The following RAB37 variants were observed in gnomAD, a reference collection of about 807,000 sequenced individuals.
RAB37 encodes the protein ras-related protein Rab-37.
In RAB37, 29 loss-of-function variants were observed where a neutral mutation model predicts 33.1. That is an observed-to-expected ratio of 0.88 (90% CI 0.65 to 1.20). The LOEUF (loss-of-function observed/expected upper bound fraction) is 1.20. Ranked by LOEUF, RAB37 falls within the 50% of genes most tolerant of loss-of-function variation. RAB37 has a pLI of 0.00. For missense variants in RAB37, 299 were observed against 301.1 expected (o/e 0.99, Z 0.05); for synonymous variants, 128 against 119.5 (o/e 1.07, Z -0.47).
intron 1 of RAB37, among the ~76,000 whole-genome samples, chr17:74,700,168 T>TAAAC (rs1358953735): frequency 0.017 from 1,297 of 77,002 alleles, 23 homozygotes; most frequent in African/African-American, 0.037. Context: ...AATAAATAAA[T>TAAAC]AAACAAACAA....
rs1444227010 is a variant in RAB37, at chr17:74,737,587, C to T, written c.93+222C>T. Among the ~76,000 whole-genome samples, 4 of 152,132 alleles carry T rather than the reference C, an allele frequency of 2.6e-5. 1 individual carries two copies. The highest frequency in any genetic ancestry group is 5.9e-5 in the Non-Finnish European group (4 of 68,014). The stretch of plus-strand genomic sequence containing the variant: ...AGATCGCAAAAACTGAGTGATCCCC[C>T]CGCCGGCCCCAACTCAGTTCTCTTC... On this transcript the variant is annotated intron_variant, in intron 1 of 8. Transcript: ENST00000392613.
upstream of RAB37, chr17:74,736,904 C>T: frequency 6.7e-7 from 1 of 1,491,364 alleles, no homozygotes; most frequent in Non-Finnish European, 8.9e-7. Flanking sequence ...CGCCTGCTGT[C>T]GCGGTGCGCA....
At chr17:74,719,434 C>G (rs1392063975) in intron 1 of RAB37, among the ~76,000 whole-genome samples, 1 of 152,136 alleles carries the variant, frequency 6.6e-6, no homozygotes, top group East Asian at 1.9e-4. Flanking sequence ...GACTGGGCAA[C>G]ACAGCAAGAA....
chr17:74,723,813 A>T (rs57253206), intron 1 of RAB37, among the ~76,000 whole-genome samples: 215 of 152,150 alleles, frequency 1.4e-3, no homozygotes, highest in African/African-American at 4.7e-3. Context: ...TGACCTCGTG[A>T]TCCACTTGCC....
intron 1 of RAB37, chr17:74,712,987 C>T: frequency 9.7e-7 from 1 of 1,029,816 alleles, no homozygotes; most frequent in South Asian, 1.4e-5. Flanking sequence ...CAGTCACTTC[C>T]CATGGGTGAA....
chr17:74,737,516 C>T lies in RAB37; in HGVS notation c.93+151C>T, dbSNP rs1026439953. 6.3e-6 allele frequency: 6 copies of T among 953,088 alleles called. 1 individual carries two copies. Among genetic ancestry groups the T allele is most frequent in the African/African-American group, 1.7e-5 (1 of 59,236 alleles). 59.0% of individuals were successfully genotyped at this position (953,088 alleles called of 1,614,324 possible). A position where few individuals can be genotyped will look rare whatever the true frequency, so the allele number is the denominator to read the frequency against. ...TCAGGACACAGCCTCTGGGGCCGTC[C>T]CAAGCTCTAGGTGTCTCTGCTGGCT... On this transcript the variant is annotated intron_variant, in intron 1 of 8. Transcript: ENST00000392613.
At chr17:74,674,440 A>G (rs1197742234) in intron 1 of RAB37, among the ~76,000 whole-genome samples, 5 of 150,162 alleles carry the variant, frequency 3.3e-5, no homozygotes, top group Admixed American at 6.7e-5. Context: ...CACTTTGGGA[A>G]GCTGAGGCGG....
At chr17:74,739,560 C>T (rs528809754) in intron 1 of RAB37, among the ~76,000 whole-genome samples, 25 of 127,124 alleles carry the variant, frequency 2.0e-4, no homozygotes, top group East Asian at 7.1e-4. Flanking sequence ...GACAGAGTGT[C>T]GCTCTGTCAC....
intron 1 of RAB37, among the ~76,000 whole-genome samples, chr17:74,690,061 AC>A (rs1422311464): frequency 6.6e-6 from 1 of 151,792 alleles, no homozygotes; most frequent in African/African-American, 2.4e-5. Context: ...AAGCGATCCT[AC>A]CCCCTCAGCC....
intron 1 of RAB37, among the ~76,000 whole-genome samples, chr17:74,703,657 T>C (rs575109007): frequency 6.6e-6 from 1 of 152,142 alleles, no homozygotes; most frequent in African/African-American, 2.4e-5. Context: ...TGAGGACCCA[T>C]TGAGACAATG....
At chr17:74,699,428 G>A (rs1369414984) in intron 1 of RAB37, among the ~76,000 whole-genome samples, 1 of 152,130 alleles carries the variant, frequency 6.6e-6, no homozygotes, top group African/African-American at 2.4e-5. Context: ...ATGTAATCAA[G>A]TTAAGATGAG....
intron 1 of RAB37, chr17:74,695,608 C>T (rs899313760): frequency 1.0e-5 from 15 of 1,454,924 alleles, no homozygotes; most frequent in Middle Eastern, 2.3e-4. Context: ...GGCTTTGCCC[C>T]ACACCTGCCT....
At chr17:74,719,484 G>A (rs550910497) in intron 1 of RAB37, among the ~76,000 whole-genome samples, 1 of 152,206 alleles carries the variant, frequency 6.6e-6, no homozygotes, top group East Asian at 1.9e-4. Context: ...AAAATAATTT[G>A]CTCACAATTA....
intron 1 of RAB37, among the ~76,000 whole-genome samples, chr17:74,685,578 A>G (rs1290837860): frequency 6.6e-6 from 1 of 152,156 alleles, no homozygotes; most frequent in Non-Finnish European, 1.5e-5. Flanking sequence ...GATCTGAGAG[A>G]CATTCAGTGG....
In RAB37 at chr17:74,745,396, C is replaced by T. The variant is rs1182206383; in HGVS notation, c.657C>T (p.Cys219=). ...AGTCCCAGAAGAAGCGCTCCAGCTG[C>T]TGCTCCTTCATGTGAATCCCAGGGG... The part of the protein sequence containing the change: ...YVESQKKRSS[C]CSFM Residue 219 remains cysteine, a synonymous_variant, in exon 9 of 9, where the codon TGC becomes TGT. Transcript: ENST00000392613. This position sits in a 1 kb window ranked among gnomAD's most constrained non-coding sequence, Gnocchi z 4.5. The T allele has an allele frequency of 2.5e-6, 4 of 1,613,806 alleles. No homozygotes were observed. In the African/African-American group the frequency reaches 5.3e-5, roughly 22 times the overall value.
intron 1 of RAB37, chr17:74,695,620 C>T: frequency 6.5e-7 from 1 of 1,527,824 alleles, no homozygotes; most frequent in African/African-American, 1.4e-5. Context: ...CACCTGCCTC[C>T]TCTATGCCCA....
intron 1 of RAB37, among the ~76,000 whole-genome samples, chr17:74,700,869 A>T (rs532227158): frequency 2.0e-5 from 3 of 152,130 alleles, no homozygotes; most frequent in African/African-American, 7.2e-5. Flanking sequence ...ATGTGATTGT[A>T]TTTGAAGATA....
intron 1 of RAB37, chr17:74,696,220 A>G: frequency 6.2e-7 from 1 of 1,606,988 alleles, no homozygotes; most frequent in Admixed American, 1.7e-5. Flanking sequence ...CCCGGCTGCT[A>G]AAAGACAAAC....
intron 1 of RAB37, among the ~76,000 whole-genome samples, chr17:74,715,756 G>A (rs143529730): frequency 1.3e-5 from 2 of 152,262 alleles, no homozygotes; most frequent in African/African-American, 2.4e-5. Flanking sequence ...GGCCGGGCAC[G>A]GTGGCTTACA....
Sources: allele counts gnomAD v4.1 joint callset (sites outside exome capture counted in the v4.1 genomes callset), GRCh38; gene constraint gnomAD v4.1.1; non-coding constraint Gnocchi (gnomAD v3.1); transcripts MANE v1.5; gene names NCBI Gene and HGNC (gene_info 2026-07-23, HGNC 2026-07-21).